Variants in SCN3A observed in about 807,000 individuals in gnomAD.
SCN3A encodes the protein sodium channel protein type 3 subunit alpha.
Under a neutral mutation model 187.6 loss-of-function variants are expected in SCN3A, and 60 were observed. The observed-to-expected ratio is 0.32, with a 90% CI of 0.26 to 0.40. The LOEUF is 0.40. Among genes scored for constraint, SCN3A ranks in the 10% least tolerant of loss-of-function variants. The probability of loss-of-function intolerance (pLI) is 1.00; values close to 1 mark genes in which losing one functional copy is unlikely to be tolerated. For missense variants in SCN3A, 1,601 were observed against 2,428.2 expected, an observed-to-expected ratio of 0.66 and a Z score of 7.16; for synonymous variants, 788 against 829.2, an observed-to-expected ratio of 0.95 and a Z score of 0.85.
chr2:165,153,985 A>T (rs1688853969), intron 11 of SCN3A, among the ~76,000 whole-genome samples: 1 of 48,184 alleles, frequency 2.1e-5, no homozygotes, highest in Non-Finnish European at 3.8e-5. Context: ...GCTATAGCAA[A>T]CATTTTTTTT....
At chr2:165,161,195 T>C (rs1429019833) in intron 9 of SCN3A, among the ~76,000 whole-genome samples, 2 of 149,760 alleles carry the variant, frequency 1.3e-5, no homozygotes, top group African/African-American at 4.9e-5. Flanking sequence ...CTTTGTTGCT[T>C]AGGCTGGTAC....
At chr2:165,171,601 T>A (rs1002324712) in intron 3 of SCN3A, among the ~76,000 whole-genome samples, 1 of 152,074 alleles carries the variant, frequency 6.6e-6, no homozygotes, top group Non-Finnish European at 1.5e-5. Context: ...AGGTTGAAAA[T>A]CCCTTCTGTC....
chr2:165,178,695 C>G (rs1020424947), intron 2 of SCN3A, among the ~76,000 whole-genome samples: 1 of 152,062 alleles, frequency 6.6e-6, no homozygotes, highest in African/African-American at 2.4e-5. Context: ...TAATTTTGAA[C>G]AGAACTTCTG....
chr2:165,161,107 CTTCTT>C (rs1441515606), intron 9 of SCN3A, among the ~76,000 whole-genome samples: 6 of 110,608 alleles, frequency 5.4e-5, no homozygotes, highest in East Asian at 4.6e-4. Flanking sequence ...TTTTTTTCTT[CTTCTT>C]TTCTTTTCTT....
rs147537655 is a variant in SCN3A at position 165,201,193 on chromosome 2, A to T, written c.-248+2630T>A. ...CCGTGATAACATATTGGGCATAAAT[A>T]ACTGTCTTCTGGAAGGCATTATGAG... On this transcript the variant is annotated intron_variant, in intron 1 of 27. Coordinates refer to ENST00000283254, the MANE Select transcript of SCN3A (RefSeq NM_006922.4). Among the ~76,000 whole-genome samples, 172 of 152,204 alleles carry T rather than the reference A, an allele frequency of 1.1e-3. 1 individual carries two copies. Among genetic ancestry groups the T allele is most frequent in the African/African-American group, 3.9e-3 (161 of 41,538 alleles).
chr2:165,154,784 G>T (rs778097286), intron 10 of SCN3A, 126 bp from the exon 11 acceptor site: 16 of 925,376 alleles, frequency 1.7e-5, no homozygotes, highest in Non-Finnish European at 2.3e-5. Flanking sequence ...TTTTCACCAA[G>T]AATTTTTTGG....
chr2:165,146,747 G>T lies in SCN3A; in HGVS notation c.1663C>A (p.Pro555Thr), dbSNP rs2105833109. Residue 555 changes from proline (P) to threonine (T), a missense_variant, in exon 12 of 28, where the codon CCT becomes ACT. Around this residue, in one of 11 missense-constraint regions of SCN3A, gnomAD observed 376 missense variants for 476.0 expected, o/e 0.79. Transcript: ENST00000283254. The part of the protein sequence containing the change: ...RLTSDKKFCS[P>T]HQSLLSIRGS... ...TTAGTAGAAAATCATACCTGATGAG[G>T]GGAGCAGAATTTTTTGTCACTGGTC... The T allele has an allele frequency of 6.2e-7, 1 of 1,613,962 alleles. No individual in the cohort carries two copies. The highest frequency in any genetic ancestry group is 8.5e-7 in the Non-Finnish European group (1 of 1,179,912).
At chr2:165,185,385 G>T (rs11898238) in intron 2 of SCN3A, among the ~76,000 whole-genome samples, 28,740 of 152,040 alleles carry the variant, frequency 0.19, 3,201 homozygotes, top group East Asian at 0.48. Flanking sequence ...TAAGGACCAG[G>T]TATATGATCT....
At chr2:165,124,294 T>A (rs1463077531) in intron 18 of SCN3A, among the ~76,000 whole-genome samples, 3 of 152,188 alleles carry the variant, frequency 2.0e-5, no homozygotes, top group Non-Finnish European at 4.4e-5. Flanking sequence ...AGCAGTCATT[T>A]GAAATATCGG....
chr2:165,196,692 C>A (rs547281307), intron 1 of SCN3A, among the ~76,000 whole-genome samples: 1 of 152,230 alleles, frequency 6.6e-6, no homozygotes, highest in East Asian at 1.9e-4. Context: ...TAGATTAATT[C>A]ACTTCTTTCT....
Position 165,092,989 on chromosome 2 carries a change from C to T in SCN3A, c.4537-465G>A, listed in dbSNP as rs1190618302. On this transcript the variant is annotated intron_variant, in intron 26 of 27. Transcript: ENST00000283254. This position sits in a 1 kb window ranked among gnomAD's most constrained non-coding sequence, Gnocchi z 4.2. ...ACTTGACCCCAGGTGTTTGAACTTGCAGTGAGCTATGGTCTTGCCACTGTA... is the reference window on the plus strand; with the variant it reads ...ACTTGACCCCAGGTGTTTGAACTTGTAGTGAGCTATGGTCTTGCCACTGTA... 1 of 167,516 alleles carries T rather than the reference C, an allele frequency of 6.0e-6. No homozygotes were observed. Among genetic ancestry groups the T allele is most frequent in the African/African-American group, 2.4e-5 (1 of 41,486 alleles). The allele number at this position is 167,516 out of a possible 1,614,324, so 10.4% of individuals were successfully genotyped here.
At chr2:165,121,010 A>G (rs1329143893) in intron 18 of SCN3A, among the ~76,000 whole-genome samples, 3 of 152,168 alleles carry the variant, frequency 2.0e-5, no homozygotes, top group African/African-American at 7.2e-5. Flanking sequence ...GGAAAAAGAA[A>G]AAGGCCATTT....
At chr2:165,174,082 C>T (rs949870801) in intron 3 of SCN3A, among the ~76,000 whole-genome samples, 4 of 152,186 alleles carry the variant, frequency 2.6e-5, no homozygotes, top group African/African-American at 9.7e-5. Flanking sequence ...CTCGATCTGT[C>T]ACCTAGGCTA....
At position 165,092,621 on chromosome 2, in the gene SCN3A, A is replaced by T. The variant is rs1233705111; in HGVS notation, c.4537-97T>A. ...TAAAGCCCTTCCACATACGGGATGG[A>T]TGTGCACCCTCCTCATATTACCCCA... On this transcript the variant is annotated intron_variant, in intron 26 of 27. Transcript: ENST00000283254. The surrounding 1 kb of genome is among the most constrained non-coding windows in gnomAD (Gnocchi z 4.2). 2 of 1,130,636 alleles carry T rather than the reference A, an allele frequency of 1.8e-6. No homozygotes were observed. The highest frequency in any genetic ancestry group is 5.0e-5 in the East Asian group (2 of 39,852). The allele number at this position is 1,130,636 out of a possible 1,614,324, so 70.0% of individuals were successfully genotyped here.
chr2:165,140,590 A>G lies in SCN3A; in HGVS notation c.2019+61T>C. 6.8e-7 allele frequency: 1 copy of G among 1,470,188 alleles called. No homozygotes were observed. The allele number at this position is 1,470,188 out of a possible 1,614,324, so 91.1% of individuals were successfully genotyped here. A position where few individuals can be genotyped will look rare whatever the true frequency, so the allele number is the denominator to read the frequency against. ...GACGGTATGACAGCCTAAACTGTCCAGGCTTTGATTATTTCAAATTGGTGA... is the reference window on the plus strand; with the variant it reads ...GACGGTATGACAGCCTAAACTGTCCGGGCTTTGATTATTTCAAATTGGTGA... On this transcript the variant is annotated intron_variant, in intron 13 of 27. Transcript: ENST00000283254. This position sits in a 1 kb window ranked among gnomAD's most constrained non-coding sequence, Gnocchi z 4.2.
chr2:165,142,820 G>A (rs372268347), intron 12 of SCN3A, among the ~76,000 whole-genome samples: 2 of 151,642 alleles, frequency 1.3e-5, no homozygotes, highest in South Asian at 2.1e-4. Context: ...GTACAATCTC[G>A]GCTCACTGCA....
intron 2 of SCN3A, among the ~76,000 whole-genome samples, chr2:165,180,195 G>A (rs755409871): frequency 3.9e-5 from 6 of 152,034 alleles, no homozygotes; most frequent in East Asian, 1.9e-4. Flanking sequence ...AATAAACTGC[G>A]GAACTCCAAA....
At chr2:165,196,017 G>T (rs983772939) in intron 1 of SCN3A, among the ~76,000 whole-genome samples, 1 of 152,088 alleles carries the variant, frequency 6.6e-6, no homozygotes, top group African/African-American at 2.4e-5. Flanking sequence ...GAGGGGAATG[G>T]TTATATCAAC....
At position 165,097,212 on chromosome 2, in the gene SCN3A, T is replaced by C. The variant is rs374711030; in HGVS notation, c.4239+40A>G. On this transcript the variant is annotated intron_variant, in intron 23 of 27. Coordinates refer to ENST00000283254, the MANE Select transcript of SCN3A (RefSeq NM_006922.4). ...CAGGGAAATAATCTTCCTTGAAACA[T>C]CTTGAAAACTTTTTCAAAACTCGTA... 3.1e-6 allele frequency: 5 copies of C among 1,612,636 alleles called. No individual in the cohort carries two copies. The South Asian group carries it at 3.3e-5, about 11-fold the overall frequency.
Sources: gnomAD v4.1 joint callset for allele counts (sites outside exome capture counted in the v4.1 genomes callset) on GRCh38, gnomAD v4.1.1 for gene constraint, gnomAD v4.1.1 regional missense constraint, Gnocchi (gnomAD v3.1) non-coding constraint, MANE v1.5 for transcripts, NCBI Gene and HGNC (gene_info 2026-07-23, HGNC 2026-07-21) for gene names.